GNB5: variants seen among roughly 807,000 people sequenced by gnomAD.
GNB5 encodes the protein guanine nucleotide-binding protein subunit beta-5.
Under a neutral mutation model 55.3 loss-of-function variants are expected in GNB5, and 37 were observed. That is an observed-to-expected ratio of 0.67 (90% CI 0.51 to 0.88). GNB5 has a LOEUF of 0.88. GNB5 is among the 40% of genes least tolerant of loss of function. The pLI is 0.00. For missense variants in GNB5, 476 were observed against 515.3 expected (o/e 0.92, Z 0.74); for synonymous variants, 219 against 198.5 (o/e 1.10, Z -0.87).
chr15:52,129,354 G>A (rs1286051467), intron 9 of GNB5, among the ~76,000 whole-genome samples: 1 of 152,156 alleles, frequency 6.6e-6, no homozygotes, highest in Non-Finnish European at 1.5e-5. Flanking sequence ...CCTACCAGCG[G>A]GAGGTGAGAG....
intron 9 of GNB5, among the ~76,000 whole-genome samples, chr15:52,131,908 C>A (rs2033587807): frequency 6.6e-6 from 1 of 152,170 alleles, no homozygotes; most frequent in African/African-American, 2.4e-5. Flanking sequence ...ATGGATCCTG[C>A]CACTTACTTG....
At chr15:52,158,420 G>T (rs12909184) in intron 3 of GNB5, among the ~76,000 whole-genome samples, 24,857 of 152,160 alleles carry the variant, frequency 0.16, 2,412 homozygotes, top group Admixed American at 0.3. Flanking sequence ...GCTTAGTATT[G>T]ATTAAACTTC....
chr15:52,170,289 A>G (rs569038706), intron 3 of GNB5, among the ~76,000 whole-genome samples: 2 of 152,354 alleles, frequency 1.3e-5, no homozygotes, highest in South Asian at 4.1e-4. Context: ...ACTATTTACA[A>G]TATCAAAGAT....
At position 52,124,512 on chromosome 15, in the gene GNB5, C is replaced by G. The variant is rs780097657; in HGVS notation, c.1137G>C (p.Gly379=). Residue 379 remains glycine, a synonymous_variant, in exon 12 of 13, where the codon GGG becomes GGC. Transcript: ENST00000261837. The part of the protein sequence containing the change: ...RVSTLRVSPD[G]TAFCSGSWDH... ...CCCATGATCCAGAGCAGAAAGCAGTCCCATCGGGGGAAACTCGTAGAGTGC... is the reference window on the plus strand; with the variant it reads ...CCCATGATCCAGAGCAGAAAGCAGTGCCATCGGGGGAAACTCGTAGAGTGC... The G allele has an allele frequency of 1.2e-6, 2 of 1,614,000 alleles. No homozygotes were observed. The highest frequency in any genetic ancestry group is 3.3e-5 in the Admixed American group (2 of 60,030).
chr15:52,164,694 A>C (rs2034415206), intron 3 of GNB5, among the ~76,000 whole-genome samples: 1 of 152,078 alleles, frequency 6.6e-6, no homozygotes, highest in East Asian at 1.9e-4. Context: ...GACTCCACAA[A>C]AACCCCATTC....
In GNB5 at chr15:52,188,207, A is replaced by T. The variant is rs111803262; in HGVS notation, c.-19+3115T>A. On this transcript the variant is annotated intron_variant, in intron 1 of 12. Transcript: ENST00000261837. The stretch of plus-strand genomic sequence containing the variant: ...TGGAAAACACCATTTTTTAACGGAG[A>T]CTCCAATTTTTGAGTCCTATGGGCC... 2.4e-4 allele frequency among the ~76,000 whole-genome samples: 36 copies of T among 152,036 alleles called. 2 individuals carry two copies. The highest frequency in any genetic ancestry group is 8.0e-4 in the African/African-American group (33 of 41,470).
At chr15:52,166,395 A>G (rs1338724140) in intron 3 of GNB5, among the ~76,000 whole-genome samples, 1 of 152,242 alleles carries the variant, frequency 6.6e-6, no homozygotes, top group East Asian at 1.9e-4. Context: ...CATTCTTCTC[A>G]TCACCACATG....
At position 52,184,617 on chromosome 15, in the gene GNB5, T is replaced by C; in HGVS notation, c.60A>G (p.Gln20=). ...TCTTGAAAACTGGTCTCAGAGCTCG[T>C]TGTTTGAAACATTTGTCACATGAGC... The part of the protein sequence containing the change: ...VFGSCDKCFK[Q]RALRPVFKKS... The change falls in exon 2 of 13, where the codon CAA becomes CAG. Residue 20 remains glutamine (Q), a synonymous_variant. Coordinates refer to ENST00000261837, the MANE Select transcript of GNB5 (RefSeq NM_016194.4). 1 of 1,613,270 alleles carries C rather than the reference T, an allele frequency of 6.2e-7. No homozygotes were observed.
intron 10 of GNB5, among the ~76,000 whole-genome samples, chr15:52,127,203 A>G (rs1282030772): frequency 1.3e-5 from 2 of 152,224 alleles, no homozygotes; most frequent in African/African-American, 4.8e-5. Context: ...CCATCAACCC[A>G]ACCTCTGGGC....
At chr15:52,174,891 GGCCAACATA>G (rs2034621792) in intron 3 of GNB5, among the ~76,000 whole-genome samples, 6 of 152,212 alleles carry the variant, frequency 3.9e-5, no homozygotes, top group African/African-American at 1.4e-4. Flanking sequence ...AGACCAGCTT[GGCCAACATA>G]GCAAAACCCC....
chr15:52,129,937 G>A (rs1446868074), intron 9 of GNB5, among the ~76,000 whole-genome samples: 1 of 152,184 alleles, frequency 6.6e-6, no homozygotes, highest in African/African-American at 2.4e-5. Context: ...TCCTGGGCAG[G>A]TGGCAGAATG....
chr15:52,139,311 G>A (rs1008236179), intron 7 of GNB5, among the ~76,000 whole-genome samples: 9 of 152,008 alleles, frequency 5.9e-5, no homozygotes, highest in Admixed American at 1.3e-4. Flanking sequence ...GCATGGTGGC[G>A]TGTGCTTGCA....
chr15:52,125,212 T>C (rs1003936612), intron 11 of GNB5: 1 of 152,852 alleles, frequency 6.5e-6, no homozygotes, highest in African/African-American at 2.4e-5. Context: ...ATGATCCTTC[T>C]GGAGCTATGC....
intron 8 of GNB5, 146 bp downstream of exon 8, chr15:52,135,466 GC>G (rs1482175189): frequency 8.8e-5 from 65 of 741,702 alleles, no homozygotes; most frequent in Non-Finnish European, 1.4e-4. Context: ...CACTGCAGGA[GC>G]TGGGGGTTTA....
intron 7 of GNB5, chr15:52,137,953 A>G (rs1365416990): frequency 2.3e-6 from 3 of 1,287,180 alleles, no homozygotes; most frequent in Non-Finnish European, 3.0e-6. Flanking sequence ...GGCTGAGGAA[A>G]GAAAAGAGGA....
At chr15:52,123,844 A>C (rs2033340814) in intron 12 of GNB5, among the ~76,000 whole-genome samples, 1 of 152,036 alleles carries the variant, frequency 6.6e-6, no homozygotes, top group Non-Finnish European at 1.5e-5. Context: ...TGCCCAGCTT[A>C]AACAGGCTAT....
chr15:52,134,284 T>C (rs1478011215), intron 8 of GNB5, among the ~76,000 whole-genome samples: 1 of 152,226 alleles, frequency 6.6e-6, no homozygotes, highest in Non-Finnish European at 1.5e-5. Context: ...AAATAGCTTA[T>C]ATGATCAAAC....
In GNB5 at chr15:52,133,429, C is replaced by T; in HGVS notation, c.812G>A (p.Gly271Asp). 6.2e-7 allele frequency: 1 copy of T among 1,613,460 alleles called. No individual in the cohort carries two copies. The change falls in exon 9 of 13, where the codon GGC (glycine) becomes GAC (aspartate). Residue 271 changes from glycine (G) to aspartate (D), a missense_variant. Coordinates refer to ENST00000261837, the MANE Select transcript of GNB5 (RefSeq NM_016194.4). ...KKAMVWDMRSGQCVQAFETHE... is the reference protein window; with the variant it reads ...KKAMVWDMRSDQCVQAFETHE... ...TGTTTCAAAGGCCTGCACGCACTGGCCGGAGCGCATGTCCCACACCATGGC... is the reference window on the plus strand; with the variant it reads ...TGTTTCAAAGGCCTGCACGCACTGGTCGGAGCGCATGTCCCACACCATGGC...
chr15:52,177,385 C>G (rs1028743501), intron 3 of GNB5, among the ~76,000 whole-genome samples: 7 of 151,532 alleles, frequency 4.6e-5, no homozygotes, highest in Non-Finnish European at 1.0e-4. Context: ...TGGCTGAGTG[C>G]GGTGGCTCAC....
Sources: gnomAD v4.1 joint callset for allele counts (sites outside exome capture counted in the v4.1 genomes callset) on GRCh38, gnomAD v4.1.1 for gene constraint, MANE v1.5 for transcripts, NCBI Gene and HGNC (gene_info 2026-07-23, HGNC 2026-07-21) for gene names.